The following ERBB4 variants were observed in gnomAD, a reference collection of about 807,000 sequenced individuals.
ERBB4 encodes erb-b2 receptor tyrosine kinase 4, also known as receptor tyrosine-protein kinase erbB-4.
In ERBB4, 42 loss-of-function variants were observed where a neutral mutation model predicts 158.0. The observed-to-expected ratio is 0.27, with a 90% confidence interval of 0.21 to 0.34. ERBB4 has a LOEUF of 0.34. ERBB4 is among the 10% of genes least tolerant of loss of function. ERBB4 has a pLI of 1.00. For missense variants in ERBB4, 1,333 were observed against 1,624.1 expected (o/e 0.82, Z 3.08); for synonymous variants, 583 against 558.7 (o/e 1.04, Z -0.61).
chr2:211,964,665 T>C (rs1246883837), intron 2 of ERBB4, among the ~76,000 whole-genome samples: 2 of 152,096 alleles, frequency 1.3e-5, no homozygotes, highest in African/African-American at 4.8e-5. Context: ...AAATAAAACT[T>C]AAAAAATAAT....
chr2:211,746,288 TATAAA>T (rs2074970881), intron 5 of ERBB4, among the ~76,000 whole-genome samples: 1 of 152,072 alleles, frequency 6.6e-6, no homozygotes, highest in Non-Finnish European at 1.5e-5. Flanking sequence ...AGCAAAATAA[TATAAA>T]ATAAAATAAA....
chr2:212,457,943 T>A (rs564705057), intron 1 of ERBB4, among the ~76,000 whole-genome samples: 1 of 152,108 alleles, frequency 6.6e-6, no homozygotes, highest in South Asian at 2.1e-4. Flanking sequence ...ATTTATTATT[T>A]ATTATTTTTT....
intron 2 of ERBB4, among the ~76,000 whole-genome samples, chr2:212,014,458 T>A (rs2076461666): frequency 6.6e-6 from 1 of 152,154 alleles, no homozygotes; most frequent in East Asian, 1.9e-4. Context: ...GATGATTAAA[T>A]TTGTATTATT....
chr2:211,976,436 A>T (rs2081607513), intron 2 of ERBB4, among the ~76,000 whole-genome samples: 1 of 152,048 alleles, frequency 6.6e-6, no homozygotes, highest in Non-Finnish European at 1.5e-5. Context: ...AAAAGTCACC[A>T]CTTATTTTAT....
At chr2:211,477,498 T>C (rs1473873436) in intron 20 of ERBB4, among the ~76,000 whole-genome samples, 2 of 152,146 alleles carry the variant, frequency 1.3e-5, no homozygotes, top group African/African-American at 2.4e-5. Flanking sequence ...TCATTTGTTC[T>C]ATAAAACTAC....
chr2:211,394,819 A>G (rs1299046922), intron 25 of ERBB4, among the ~76,000 whole-genome samples: 1 of 152,108 alleles, frequency 6.6e-6, no homozygotes, highest in East Asian at 1.9e-4. Flanking sequence ...TTTGAAGACA[A>G]AAACCCCACA....
intron 1 of ERBB4, among the ~76,000 whole-genome samples, chr2:212,319,476 A>G (rs972610131): frequency 6.6e-6 from 1 of 150,550 alleles, no homozygotes; most frequent in African/African-American, 2.4e-5. Flanking sequence ...TTCTCAAAAC[A>G]TTCAAGTCAG....
chr2:211,561,754 G>A (rs2067398834), intron 20 of ERBB4, 149 bp downstream of exon 20: 11 of 721,986 alleles, frequency 1.5e-5, no homozygotes, highest in Non-Finnish European at 2.2e-5. Flanking sequence ...TTACCTAAAA[G>A]TACCTCTCTG....
intron 1 of ERBB4, among the ~76,000 whole-genome samples, chr2:212,166,137 T>A (rs534383737): frequency 6.6e-6 from 1 of 152,182 alleles, no homozygotes; most frequent in South Asian, 2.1e-4. Flanking sequence ...TACTCTCCTT[T>A]AGACACTAAA....
At chr2:212,067,629 G>A (rs542842914) in intron 2 of ERBB4, among the ~76,000 whole-genome samples, 9 of 152,078 alleles carry the variant, frequency 5.9e-5, no homozygotes, top group Non-Finnish European at 1.3e-4. Context: ...AATGTCAGAT[G>A]TCACAACCAG....
chr2:212,412,318 GA>G (rs1186297284), intron 1 of ERBB4, among the ~76,000 whole-genome samples: 2 of 152,208 alleles, frequency 1.3e-5, no homozygotes, highest in Admixed American at 1.3e-4. Flanking sequence ...GGTGGGGCCT[GA>G]TGGCAGGTGT....
intron 1 of ERBB4, among the ~76,000 whole-genome samples, chr2:212,329,640 A>G (rs1006587157): frequency 2.6e-5 from 4 of 152,042 alleles, no homozygotes; most frequent in Non-Finnish European, 5.9e-5. Context: ...CAGGTGTAGG[A>G]TATGTCTTAA....
At chr2:211,878,652 G>GT (rs150312098) in intron 3 of ERBB4, among the ~76,000 whole-genome samples, 3 of 99,152 alleles carry the variant, frequency 3.0e-5, no homozygotes, top group Non-Finnish European at 4.0e-5. Context: ...GACAAATTAA[G>GT]TTTTGTTTTT....
chr2:211,707,107 C>T (rs2073475863), intron 9 of ERBB4, among the ~76,000 whole-genome samples: 1 of 152,130 alleles, frequency 6.6e-6, no homozygotes, highest in African/African-American at 2.4e-5. Flanking sequence ...TTGAGAAAAA[C>T]TCAAAATTCA....
intron 4 of ERBB4, among the ~76,000 whole-genome samples, chr2:211,770,475 GT>G (rs1405469077): frequency 6.6e-6 from 1 of 152,116 alleles, no homozygotes; most frequent in Non-Finnish European, 1.5e-5. Context: ...CATCTATTAT[GT>G]TTGAACGGTG....
intron 1 of ERBB4, among the ~76,000 whole-genome samples, chr2:212,522,265 C>G (rs1405358504): frequency 6.6e-6 from 1 of 151,876 alleles, no homozygotes; most frequent in Non-Finnish European, 1.5e-5. Flanking sequence ...TTGTTAAGGT[C>G]AGGTGAGATA....
intron 1 of ERBB4, among the ~76,000 whole-genome samples, chr2:212,317,073 A>C (rs956797152): frequency 6.6e-6 from 1 of 151,540 alleles, no homozygotes; most frequent in Non-Finnish European, 1.5e-5. Context: ...GAATTTTCCA[A>C]CTAAAAATGT....
At chr2:211,976,813 C>T (rs2081621493) in intron 2 of ERBB4, among the ~76,000 whole-genome samples, 1 of 152,092 alleles carries the variant, frequency 6.6e-6, no homozygotes, top group Non-Finnish European at 1.5e-5. Context: ...AGAATTTAAA[C>T]TCAGGGCAAG....
chr2:212,325,912 G>T, intron 1 of ERBB4, among the ~76,000 whole-genome samples: 1 of 150,044 alleles, frequency 6.7e-6, no homozygotes, highest in South Asian at 2.1e-4. Context: ...TAATTTTATC[G>T]GTCTAAGTAT....
Sources: allele counts gnomAD v4.1 joint callset (sites outside exome capture counted in the v4.1 genomes callset), GRCh38; gene constraint gnomAD v4.1.1; transcripts MANE v1.5; gene names NCBI Gene and HGNC (gene_info 2026-07-23, HGNC 2026-07-21).